Variants in SGK1 observed in about 807,000 individuals in gnomAD.
SGK1 encodes serum/glucocorticoid regulated kinase 1, also known as serine/threonine-protein kinase Sgk1.
SGK1 carries 26 observed loss-of-function variants against 64.2 expected under a neutral mutation model. The ratio of observed to expected loss-of-function variants is 0.40; its 90% confidence interval spans 0.30 to 0.56. SGK1 has a LOEUF of 0.56. SGK1 is among the 20% of genes least tolerant of loss of function. The probability of loss-of-function intolerance (pLI) is 0.38; values close to 1 mark genes in which losing one functional copy is unlikely to be tolerated. For synonymous variants in SGK1, 265 were observed against 239.7 expected (o/e 1.11, Z -0.98); for missense variants, 519 against 645.6 (o/e 0.80, Z 2.12).
intron 2 of SGK1, among the ~76,000 whole-genome samples, chr6:134,210,910 A>T (rs1775879257): frequency 6.6e-6 from 1 of 151,400 alleles, no homozygotes. Flanking sequence ...GGGTCGCCTG[A>T]GGTCAGGAGT....
At position 134,176,299 on chromosome 6, in the gene SGK1, C is replaced by T. The variant is rs10214485; in HGVS notation, c.362-1713G>A. 8.1e-3 allele frequency among the ~76,000 whole-genome samples: 1,241 copies of T among 152,336 alleles called. 11 individuals carry two copies. Among genetic ancestry groups the T allele is most frequent in the African/African-American group, 0.028 (1,177 of 41,554 alleles). On this transcript the variant is annotated intron_variant, in intron 3 of 13. Transcript: ENST00000367858. ...GCCCCAGGGCTTCTTAGTTTTGCCA[C>T]CTCGCTCGCTCTTTATGTGAGTCCC... is the stretch of plus-strand genomic sequence containing the variant.
chr6:134,196,014 A>G (rs1775589249), intron 3 of SGK1, among the ~76,000 whole-genome samples: 1 of 152,240 alleles, frequency 6.6e-6, no homozygotes, highest in Non-Finnish European at 1.5e-5. Flanking sequence ...AGGTAAAAAG[A>G]GCTAACATAA....
rs11418007 is a variant in SGK1 at position 134,252,616 on chromosome 6, C to CAAAAAAAAAAAAAAAAAAAAAAAAAAAAA, written c.285+9316_285+9317insTTTTTTTTTTTTTTTTTTTTTTTTTTTTT. On this transcript the variant is annotated intron_variant, in intron 2 of 13. Coordinates refer to ENST00000367858, the MANE Select transcript of SGK1 (RefSeq NM_001143676.3). ...TGGGCAACAGAGTGAGATTCCACCT[C>CAAAAAAAAAAAAAAAAAAAAAAAAAAAAA]AAAAAAAAAAAAAAAAAAAAAAAAG... 6.1e-5 allele frequency among the ~76,000 whole-genome samples: 4 copies of CAAAAAAAAAAAAAAAAAAAAAAAAAAAAA among 65,990 alleles called. 2 individuals are homozygous for CAAAAAAAAAAAAAAAAAAAAAAAAAAAAA. The highest frequency in any genetic ancestry group is 5.0e-5 in the Non-Finnish European group (2 of 39,822). 43.3% of individuals were successfully genotyped at this position (65,990 alleles called of 152,430 possible). A position where few individuals can be genotyped will look rare whatever the true frequency, so the allele number is the denominator to read the frequency against.
chr6:134,187,335 C>T (rs1488727135), intron 3 of SGK1, among the ~76,000 whole-genome samples: 2 of 152,124 alleles, frequency 1.3e-5, no homozygotes, highest in African/African-American at 4.8e-5. Context: ...GACCTCCAGG[C>T]CTGCAGATCA....
At chr6:134,201,996 A>C (rs568738249) in intron 3 of SGK1, among the ~76,000 whole-genome samples, 1 of 152,054 alleles carries the variant, frequency 6.6e-6, no homozygotes, top group Middle Eastern at 3.4e-3. Context: ...AACTTCCTAA[A>C]CCTGAGAGAT....
intron 2 of SGK1, among the ~76,000 whole-genome samples, chr6:134,210,398 C>G (rs955758105): frequency 1.3e-5 from 2 of 152,114 alleles, no homozygotes; most frequent in African/African-American, 4.8e-5. Context: ...CCAGGGGCTG[C>G]AGGGAGGGGC....
chr6:134,227,943 CTTTTTT>C (rs869082001), intron 2 of SGK1, among the ~76,000 whole-genome samples: 41 of 69,760 alleles, frequency 5.9e-4, no homozygotes, highest in Middle Eastern at 0.01. Context: ...GGAATTCATT[CTTTTTT>C]TTTTTTTTTT....
chr6:134,224,969 G>A (rs554191710), intron 2 of SGK1, among the ~76,000 whole-genome samples: 3 of 137,894 alleles, frequency 2.2e-5, no homozygotes, highest in African/African-American at 8.2e-5. Flanking sequence ...GCAGTGAGCT[G>A]AGATGGTGAC....
rs531282560 is a variant in SGK1, at chr6:134,190,354, C to T, written c.362-15768G>A. 2.2e-3 allele frequency among the ~76,000 whole-genome samples: 333 copies of T among 149,592 alleles called. 1 individual carries two copies. Among genetic ancestry groups the T allele is most frequent in the African/African-American group, 6.8e-3 (275 of 40,572 alleles). Reference sequence around the variant, plus strand: ...AGGCTAGAGTTCAGTGGCATGATCTCGGCTCACTGCAAACTCCGCCTCCTG... The same window carrying T: ...AGGCTAGAGTTCAGTGGCATGATCTTGGCTCACTGCAAACTCCGCCTCCTG... On this transcript the variant is annotated intron_variant, in intron 3 of 13. Transcript: ENST00000367858.
At chr6:134,298,015 A>G in intron 1 of SGK1, 1 of 869,886 alleles carries the variant, frequency 1.1e-6, no homozygotes, top group Admixed American at 1.7e-5. Flanking sequence ...GAGATCTGGG[A>G]CTGCAGCTCC....
intron 3 of SGK1, chr6:134,175,419 C>G: frequency 7.7e-7 from 1 of 1,306,390 alleles, no homozygotes. Context: ...ACCTCGCCCG[C>G]CAGGTCCTCC....
At chr6:134,253,300 T>C (rs1776632658) in intron 2 of SGK1, among the ~76,000 whole-genome samples, 1 of 151,798 alleles carries the variant, frequency 6.6e-6, no homozygotes, top group African/African-American at 2.4e-5. Flanking sequence ...TTTCTTTTTT[T>C]TTTTTTCTTT....
chr6:134,206,365 ATATATATATATATATATATTTTT>A (rs1775776737), intron 3 of SGK1, among the ~76,000 whole-genome samples: 2 of 10,276 alleles, frequency 1.9e-4, no homozygotes, highest in East Asian at 1.7e-3. Context: ...ATATATATAT[ATATATATATATATATATATTTTT>A]TTTTTTTTTT....
chr6:134,173,488 C>T lies in SGK1; in HGVS notation c.592G>A (p.Val198Met), dbSNP rs145458241. The T allele has an allele frequency of 1.2e-6, 2 of 1,613,034 alleles. No homozygotes were observed. Among genetic ancestry groups the T allele is most frequent in the African/African-American group, 2.7e-5 (2 of 74,894 alleles). Reference sequence around the variant, plus strand: ...TTTCCAAAACTGCCCTTTCCGATCACTTTCAAGAAGTGAAAGTCAGATGGT... The same window carrying T: ...TTTCCAAAACTGCCCTTTCCGATCATTTTCAAGAAGTGAAAGTCAGATGGT... ...AKPSDFHFLK[V>M]IGKGSFGKVL... is the part of the protein sequence containing the mutation. Residue 198 changes from valine (V) to methionine (M), a missense_variant, in exon 6 of 14, where the codon GTG (valine) becomes ATG (methionine). This residue lies in a region of SGK1 where 278 missense variants were observed against 408.7 expected (regional missense o/e 0.68). Coordinates refer to ENST00000367858, the MANE Select transcript of SGK1 (RefSeq NM_001143676.3).
At chr6:134,226,603 A>T (rs1156513185) in intron 2 of SGK1, among the ~76,000 whole-genome samples, 1 of 151,962 alleles carries the variant, frequency 6.6e-6, no homozygotes, top group East Asian at 1.9e-4. Context: ...CTGAGGTGGG[A>T]GGATCGCCTA....
In SGK1 at chr6:134,317,440, A is replaced by G. The variant is rs1197761140; in HGVS notation, c.21T>C (p.Asn7=). The change falls in exon 1 of 14, where the codon AAT becomes AAC. Residue 7 remains asparagine, a synonymous_variant. Transcript: ENST00000367858. MVNKDM[N]GFPVKKCSAF... is the part of the protein sequence containing the mutation. The stretch of plus-strand genomic sequence containing the variant: ...CTGAGCATTTCTTGACTGGGAATCC[A>G]TTCATGTCTTTGTTTACCATTTTCC... 1.9e-6 allele frequency: 3 copies of G among 1,610,388 alleles called. No homozygotes were observed. Among genetic ancestry groups the G allele is most frequent in the Non-Finnish European group, 2.5e-6 (3 of 1,176,652 alleles).
intron 3 of SGK1, among the ~76,000 whole-genome samples, chr6:134,194,415 T>A (rs1265004558): frequency 6.6e-6 from 1 of 152,212 alleles, no homozygotes. Context: ...TCCACCTATT[T>A]GCCCAGTGGA....
intron 1 of SGK1, among the ~76,000 whole-genome samples, chr6:134,267,445 G>A (rs972084309): frequency 2.0e-5 from 3 of 151,790 alleles, no homozygotes; most frequent in East Asian, 1.9e-4. Context: ...CTACAGATGC[G>A]CGCCACCACG....
At chr6:134,214,328 C>T (rs1311323197) in intron 2 of SGK1, among the ~76,000 whole-genome samples, 3 of 152,096 alleles carry the variant, frequency 2.0e-5, no homozygotes, top group African/African-American at 4.8e-5. Flanking sequence ...TTAAGGCTCA[C>T]GCCTGTAATC....
Sources: allele counts gnomAD v4.1 joint callset (sites outside exome capture counted in the v4.1 genomes callset), GRCh38; gene constraint gnomAD v4.1.1; regional missense constraint gnomAD v4.1.1; transcripts MANE v1.5; gene names NCBI Gene and HGNC (gene_info 2026-07-23, HGNC 2026-07-21).